Variants in GSK3A observed in about 807,000 individuals in gnomAD.
GSK3A encodes glycogen synthase kinase 3 alpha.
Under a neutral mutation model 56.6 loss-of-function variants are expected in GSK3A, and 14 were observed. The ratio of observed to expected loss-of-function variants is 0.25; its 90% confidence interval spans 0.16 to 0.39. The LOEUF is 0.39. Among genes scored for constraint, GSK3A ranks in the 10% least tolerant of loss-of-function variants. The pLI, the probability that GSK3A is intolerant of heterozygous loss-of-function variation, is 1.00. For missense variants in GSK3A, 450 were observed against 656.0 expected, an observed-to-expected ratio of 0.69 and a Z score of 3.43; for synonymous variants, 301 against 285.0, an observed-to-expected ratio of 1.06 and a Z score of -0.56.
chr19:42,237,456 G>T lies in GSK3A; in HGVS notation c.472-515C>A, dbSNP rs922953719. On this transcript the variant is annotated intron_variant, in intron 2 of 10. Transcript: ENST00000222330. Reference sequence around the variant, plus strand: ...ACAGGCCTCAGCCTCCCAAAGTGCTGGGATTACAGGCGTGAGGCACCGCGC... The same window carrying T: ...ACAGGCCTCAGCCTCCCAAAGTGCTTGGATTACAGGCGTGAGGCACCGCGC... Among the ~76,000 whole-genome samples the T allele has an allele frequency of 6.6e-5, 10 of 151,862 alleles. No homozygotes were observed. The South Asian group carries it at 8.3e-4, about 13-fold the overall frequency.
chr19:42,242,584 G>T lies in GSK3A; in HGVS notation c.-119C>A. 1.2e-6 allele frequency: 1 copy of T among 840,792 alleles called. No homozygotes were observed. The highest frequency in any genetic ancestry group is 1.6e-6 in the Non-Finnish European group (1 of 641,300). 52.1% of individuals were successfully genotyped at this position (840,792 alleles called of 1,614,324 possible). ...TCCAGGCCGCGCCGCTCTGGCTTGG[G>T]CTCCGGCTCCGGCCCAGCGCCCGCC... is the stretch of plus-strand genomic sequence containing the variant. On this transcript the variant is annotated 5_prime_UTR_variant, in exon 1 of 11. Transcript: ENST00000222330.
intron 2 of GSK3A, 47 bp downstream of exon 2, chr19:42,239,908 T>C (rs2036280907): frequency 1.3e-6 from 2 of 1,516,566 alleles, no homozygotes; most frequent in Non-Finnish European, 1.8e-6. Flanking sequence ...CTCCCACCAG[T>C]CACACCCAGT....
At chr19:42,241,894 C>G in intron 1 of GSK3A, 1 of 326,752 alleles carries the variant, frequency 3.1e-6, no homozygotes, top group Non-Finnish European at 5.5e-6. Context: ...ATAGCAACAT[C>G]AGATACCTGT....
chr19:42,236,509 C>T, intron 4 of GSK3A, 97 bp downstream of exon 4: 1 of 809,938 alleles, frequency 1.2e-6, no homozygotes, highest in Non-Finnish European at 2.2e-6. Flanking sequence ...CAAAAACCAA[C>T]ATAAACTTGG....
Position 42,242,334 on chromosome 19 carries a change from G to GCCTGGGCCGGAGGCCGAGCCT in GSK3A, c.111_131dup (p.Ser39_Gly45dup), listed in dbSNP as rs2036298578. 7 of 1,427,204 alleles carry GCCTGGGCCGGAGGCCGAGCCT rather than the reference G, an allele frequency of 4.9e-6. No individual in the cohort carries two copies. Among genetic ancestry groups the GCCTGGGCCGGAGGCCGAGCCT allele is most frequent in the African/African-American group, 1.5e-5 (1 of 66,678 alleles). The allele number at this position is 1,427,204 out of a possible 1,614,324, so 88.4% of individuals were successfully genotyped here. On this transcript the variant is annotated inframe_insertion, in exon 1 of 11. Coordinates refer to ENST00000222330, the MANE Select transcript of GSK3A (RefSeq NM_019884.3). ...CAGATGCCTTTCCGCCGCCGGTGCC[G>GCCTGGGCCGGAGGCCGAGCCT]CCTGGGCCGGAGGCCGAGCCTCCGG... is the stretch of plus-strand genomic sequence containing the variant.
Position 42,236,587 on chromosome 19 carries a change from A to G in GSK3A, c.666+19T>C. 6.8e-7 allele frequency: 1 copy of G among 1,478,160 alleles called. No homozygotes were observed. Among genetic ancestry groups the G allele is most frequent in the Non-Finnish European group, 9.5e-7 (1 of 1,055,796 alleles). The allele number at this position is 1,478,160 out of a possible 1,614,324, so 91.6% of individuals were successfully genotyped here. ...TGGCTTTGTGGGCCTGGGTCCCAGCAGCCCACCTGCTGGCCTACCTTGACA... is the reference window on the plus strand; with the variant it reads ...TGGCTTTGTGGGCCTGGGTCCCAGCGGCCCACCTGCTGGCCTACCTTGACA... On this transcript the variant is annotated intron_variant, in intron 4 of 10. Coordinates refer to ENST00000222330, the MANE Select transcript of GSK3A (RefSeq NM_019884.3).
intron 1 of GSK3A, chr19:42,240,611 G>C: frequency 5.1e-6 from 1 of 197,694 alleles, no homozygotes; most frequent in Non-Finnish European, 1.0e-5. Flanking sequence ...CAGCCTAGAG[G>C]ATACTGACCT....
chr19:42,238,380 C>CT (rs1291077457), intron 2 of GSK3A, among the ~76,000 whole-genome samples: 2 of 130,604 alleles, frequency 1.5e-5, no homozygotes, highest in African/African-American at 6.1e-5. Flanking sequence ...GAGATTCTGT[C>CT]TTAAAAAAAA....
chr19:42,241,817 T>C (rs1004876375), intron 1 of GSK3A: 4 of 185,056 alleles, frequency 2.2e-5, no homozygotes, highest in Admixed American at 6.2e-5. Flanking sequence ...TCTTGTTCTC[T>C]TAGGAGACAA....
chr19:42,242,595 G>A lies in GSK3A; in HGVS notation c.-130C>T, dbSNP rs961154838. ...CCGCTCTGGCTTGGGCTCCGGCTCC[G>A]GCCCAGCGCCCGCCGCGGGGCACGC... On this transcript the variant is annotated 5_prime_UTR_variant, in exon 1 of 11. Transcript: ENST00000222330. The A allele has an allele frequency of 1.3e-6, 1 of 772,564 alleles. No homozygotes were observed. 47.9% of individuals were successfully genotyped at this position (772,564 alleles called of 1,614,324 possible).
At position 42,234,909 on chromosome 19, in the gene GSK3A, G is replaced by T. The variant is rs572640904; in HGVS notation, c.667-231C>A. ...CGTGGCGGGTCACGCCTGTAATCCCGGTATTTTGGGAGGCCAAGACCAGCC... is the reference window on the plus strand; with the variant it reads ...CGTGGCGGGTCACGCCTGTAATCCCTGTATTTTGGGAGGCCAAGACCAGCC... On this transcript the variant is annotated intron_variant, in intron 4 of 10. Coordinates refer to ENST00000222330, the MANE Select transcript of GSK3A (RefSeq NM_019884.3). This position sits in a 1 kb window ranked among gnomAD's most constrained non-coding sequence, Gnocchi z 5.7. 1.2e-4 allele frequency among the ~76,000 whole-genome samples: 19 copies of T among 152,220 alleles called. No individual in the cohort carries two copies. In the South Asian group the frequency reaches 2.7e-3, roughly 22 times the overall value.
chr19:42,240,328 G>A, intron 1 of GSK3A, 186 bp from the exon 2 acceptor site: 1 of 617,476 alleles, frequency 1.6e-6, no homozygotes, highest in Non-Finnish European at 2.9e-6. Flanking sequence ...TTCCTTTCTG[G>A]GAATCTTAAG....
chr19:42,238,824 C>T (rs1468572630), intron 2 of GSK3A, among the ~76,000 whole-genome samples: 1 of 151,808 alleles, frequency 6.6e-6, no homozygotes, highest in Non-Finnish European at 1.5e-5. Flanking sequence ...AAAAAATTAG[C>T]CAGGCATAGT....
chr19:42,235,830 G>A (rs187734533), intron 4 of GSK3A, among the ~76,000 whole-genome samples: 184 of 152,272 alleles, frequency 1.2e-3, no homozygotes, highest in South Asian at 1.5e-3. Flanking sequence ...CCTGGGACCC[G>A]TATGCAGGCA....
rs1228150926 is a variant in GSK3A, at chr19:42,234,710, C to T, written c.667-32G>A. 4 of 1,514,914 alleles carry T rather than the reference C, an allele frequency of 2.6e-6. No individual in the cohort carries two copies. The highest frequency in any genetic ancestry group is 3.6e-6 in the Non-Finnish European group (4 of 1,125,532). The allele number at this position is 1,514,914 out of a possible 1,614,324, so 93.8% of individuals were successfully genotyped here. A position where few individuals can be genotyped will look rare whatever the true frequency, so the allele number is the denominator to read the frequency against. ...CGGGCACAGGATAGCAGAACTTTAG[C>T]CCAGCTTTCCCCATACAGCACCACT... On this transcript the variant is annotated intron_variant, in intron 4 of 10. Coordinates refer to ENST00000222330, the MANE Select transcript of GSK3A (RefSeq NM_019884.3). This position sits in a 1 kb window ranked among gnomAD's most constrained non-coding sequence, Gnocchi z 5.7.
chr19:42,236,820 G>T, intron 3 of GSK3A, 38 bp downstream of exon 3: 1 of 1,539,564 alleles, frequency 6.5e-7, no homozygotes, highest in Non-Finnish European at 9.0e-7. Flanking sequence ...GCAGGAAAAT[G>T]GCTGGAGCAA....
Position 42,236,676 on chromosome 19 carries a change from G to C in GSK3A, c.596C>G (p.Pro199Arg). 6.2e-7 allele frequency: 1 copy of C among 1,614,036 alleles called. No individual in the cohort carries two copies. The highest frequency in any genetic ancestry group is 8.5e-7 in the Non-Finnish European group (1 of 1,179,932). ...LYLNLVLEYV[P>R]ETVYRVARHF... is the part of the protein sequence containing the mutation. ...GCGGGCCACCCGGTACACTGTCTCG[G>C]GCACATATTCCAGCACCAGATTTAG... is the stretch of plus-strand genomic sequence containing the variant. The change falls in exon 4 of 11, where the codon CCC (proline) becomes CGC (arginine). Residue 199 changes from proline (P) to arginine (R), a missense_variant. Physicochemically the swap from Pro to Arg is moderately radical, Grantham distance 103 (BLOSUM62 -2). Coordinates refer to ENST00000222330, the MANE Select transcript of GSK3A (RefSeq NM_019884.3).
Position 42,237,432 on chromosome 19 carries a change from C to T in GSK3A, c.472-491G>A, listed in dbSNP as rs111477267. On this transcript the variant is annotated intron_variant, in intron 2 of 10. Coordinates refer to ENST00000222330, the MANE Select transcript of GSK3A (RefSeq NM_019884.3). ...TCAGCCTCCCTGACCTCATGATCCACAGGCCTCAGCCTCCCAAAGTGCTGG... is the reference window on the plus strand; with the variant it reads ...TCAGCCTCCCTGACCTCATGATCCATAGGCCTCAGCCTCCCAAAGTGCTGG... 2.5e-3 allele frequency among the ~76,000 whole-genome samples: 378 copies of T among 152,038 alleles called. 6 individuals are homozygous for T. The highest frequency in any genetic ancestry group is 8.6e-3 in the African/African-American group (356 of 41,516).
chr19:42,232,596 T>C lies in GSK3A; in HGVS notation c.1185A>G (p.Leu395=). Residue 395 remains leucine, a synonymous_variant, in exon 9 of 11, where the codon CTA becomes CTG. Transcript: ENST00000222330. ...EYTPSSRLSP[L]EACAHSFFDE... The stretch of plus-strand genomic sequence containing the variant: ...CAAAGAAGCTGTGCGCACAGGCCTC[T>C]AGTGGGGAGAGCCTTGAGGATGGGG... 6.2e-7 allele frequency: 1 copy of C among 1,613,852 alleles called. No homozygotes were observed. Among genetic ancestry groups the C allele is most frequent in the East Asian group, 2.2e-5 (1 of 44,880 alleles).
Sources: gnomAD v4.1 joint callset for allele counts (sites outside exome capture counted in the v4.1 genomes callset) on GRCh38, gnomAD v4.1.1 for gene constraint, Gnocchi (gnomAD v3.1) non-coding constraint, MANE v1.5 for transcripts, NCBI Gene and HGNC (gene_info 2026-07-23, HGNC 2026-07-21) for gene names.